The following STAG1 variants were observed in gnomAD, a reference collection of about 807,000 sequenced individuals.
STAG1 encodes STAG1 cohesin complex component, also known as cohesin subunit SA-1.
STAG1 carries 26 observed loss-of-function variants against 170.9 expected under a neutral mutation model. That is an observed-to-expected ratio of 0.15 (90% CI 0.11 to 0.21). The LOEUF is 0.21. Among genes scored for constraint, STAG1 ranks in the 10% least tolerant of loss-of-function variants. The pLI is 1.00. For synonymous variants in STAG1, 514 were observed against 497.7 expected, an observed-to-expected ratio of 1.03 and a Z score of -0.44; for missense variants, 964 against 1,509.5, an observed-to-expected ratio of 0.64 and a Z score of 5.99.
chr3:136,500,736 C>T (rs1333021551), intron 8 of STAG1, among the ~76,000 whole-genome samples: 1 of 152,168 alleles, frequency 6.6e-6, no homozygotes, highest in Non-Finnish European at 1.5e-5. Flanking sequence ...TACTCTGCAT[C>T]TCACTAGCCT....
At chr3:136,407,911 AG>A (rs2087528733) in intron 21 of STAG1, among the ~76,000 whole-genome samples, 1 of 151,892 alleles carries the variant, frequency 6.6e-6, no homozygotes, top group Non-Finnish European at 1.5e-5. Flanking sequence ...AAAAAAAAAA[AG>A]CATTAGATGT....
intron 1 of STAG1, among the ~76,000 whole-genome samples, chr3:136,705,266 T>C (rs756816047): frequency 1.3e-5 from 2 of 151,912 alleles, no homozygotes; most frequent in Non-Finnish European, 2.9e-5. Flanking sequence ...ATCCCAGCTA[T>C]ACACCATGAA....
chr3:136,659,547 TAAC>T (rs1197439859), intron 1 of STAG1, among the ~76,000 whole-genome samples: 1 of 152,144 alleles, frequency 6.6e-6, no homozygotes, highest in African/African-American at 2.4e-5. Context: ...ATTTATCAAT[TAAC>T]AACCAAAGCT....
intron 22 of STAG1, among the ~76,000 whole-genome samples, chr3:136,397,151 T>C (rs985788127): frequency 2.6e-5 from 4 of 152,336 alleles, no homozygotes; most frequent in Admixed American, 6.5e-5. Context: ...TACTAATATC[T>C]TTATTTGGTT....
Position 136,429,101 on chromosome 3 carries a change from C to T in STAG1, c.1650+4455G>A, listed in dbSNP as rs2088217405. Among the ~76,000 whole-genome samples, 5 of 152,046 alleles carry T rather than the reference C, an allele frequency of 3.3e-5. No homozygotes were observed. In the South Asian group the frequency reaches 1.0e-3, roughly 32 times the overall value. On this transcript the variant is annotated intron_variant, in intron 16 of 33. Transcript: ENST00000383202. ...GCAGTAAGCCCAGATAGCATCATTG[C>T]ACTCCAGCCTGGAACAGAGCGCAGG...
intron 4 of STAG1, among the ~76,000 whole-genome samples, chr3:136,570,825 A>C (rs1937245816): frequency 6.6e-6 from 1 of 152,262 alleles, no homozygotes; most frequent in Admixed American, 6.5e-5. Context: ...AAGACTTTCT[A>C]TACATAATAC....
intron 23 of STAG1, among the ~76,000 whole-genome samples, chr3:136,372,512 A>G (rs1395671308): frequency 1.3e-5 from 2 of 152,178 alleles, no homozygotes; most frequent in African/African-American, 4.8e-5. Flanking sequence ...TATTATTTTG[A>G]GACACGTCCC....
intron 12 of STAG1, among the ~76,000 whole-genome samples, chr3:136,469,721 C>A (rs1272745561): frequency 6.6e-6 from 1 of 152,202 alleles, no homozygotes; most frequent in African/African-American, 2.4e-5. Context: ...ATCAGGCTAT[C>A]TGACTTCAAA....
At chr3:136,556,734 C>T (rs35824564) in intron 5 of STAG1, among the ~76,000 whole-genome samples, 63 of 151,964 alleles carry the variant, frequency 4.1e-4, no homozygotes, top group Middle Eastern at 6.8e-3. Flanking sequence ...AGGCACACAC[C>T]ACCACGCCCC....
intron 4 of STAG1, among the ~76,000 whole-genome samples, chr3:136,603,511 A>G (rs1187808770): frequency 6.6e-6 from 1 of 152,232 alleles, no homozygotes; most frequent in Non-Finnish European, 1.5e-5. Context: ...ATTATGGCTT[A>G]TCCTTACAAT....
chr3:136,543,436 G>C (rs1449783601), intron 5 of STAG1, among the ~76,000 whole-genome samples: 1 of 152,088 alleles, frequency 6.6e-6, no homozygotes, highest in African/African-American at 2.4e-5. Context: ...CTATCACAGG[G>C]CACAAAAGAC....
intron 9 of STAG1, among the ~76,000 whole-genome samples, chr3:136,488,365 C>T (rs191962515): frequency 2.0e-5 from 3 of 152,358 alleles, no homozygotes; most frequent in South Asian, 2.1e-4. Flanking sequence ...TCAGGTGATG[C>T]ACCCGCCTTG....
chr3:136,734,116 A>AC (rs1245876368), intron 1 of STAG1, among the ~76,000 whole-genome samples: 1 of 151,680 alleles, frequency 6.6e-6, no homozygotes, highest in Non-Finnish European at 1.5e-5. Flanking sequence ...CTCAAAAAAA[A>AC]AAAAAAACAA....
intron 4 of STAG1, among the ~76,000 whole-genome samples, chr3:136,587,780 C>A (rs1466081936): frequency 6.6e-6 from 1 of 152,010 alleles, no homozygotes; most frequent in Non-Finnish European, 1.5e-5. Context: ...TGTGGTGAAA[C>A]CCTATCTCTA....
At chr3:136,393,300 A>C (rs557208911) in intron 22 of STAG1, among the ~76,000 whole-genome samples, 2 of 152,330 alleles carry the variant, frequency 1.3e-5, no homozygotes, top group East Asian at 3.9e-4. Flanking sequence ...GAAGTCCTCC[A>C]TATACTGTTA....
chr3:136,631,101 GAAAACCA>G, intron 1 of STAG1, 120 bp from the exon 2 acceptor site: 2 of 506,906 alleles, frequency 3.9e-6, no homozygotes, highest in Non-Finnish European at 7.0e-6. Flanking sequence ...CAAATGAGCT[GAAAACCA>G]ATGTCCACAG....
intron 1 of STAG1, among the ~76,000 whole-genome samples, chr3:136,744,993 T>C (rs1028313103): frequency 6.6e-6 from 1 of 152,150 alleles, no homozygotes; most frequent in East Asian, 1.9e-4. Context: ...GCATTCCTAA[T>C]AGAAAAGATC....
At chr3:136,372,769 T>G (rs1021736274) in intron 23 of STAG1, among the ~76,000 whole-genome samples, 1 of 152,212 alleles carries the variant, frequency 6.6e-6, no homozygotes, top group Non-Finnish European at 1.5e-5. Context: ...ATTGAGCATT[T>G]TTGCATCAAT....
intron 14 of STAG1, among the ~76,000 whole-genome samples, chr3:136,451,200 G>GA (rs1329871932): frequency 4.6e-5 from 7 of 150,820 alleles, no homozygotes; most frequent in Middle Eastern, 3.2e-3. Flanking sequence ...CATTTTGGTG[G>GA]AAAAACCGAA....
Sources: allele counts gnomAD v4.1 joint callset (sites outside exome capture counted in the v4.1 genomes callset), GRCh38; gene constraint gnomAD v4.1.1; transcripts MANE v1.5; gene names NCBI Gene and HGNC (gene_info 2026-07-23, HGNC 2026-07-21).